Variants in STARD13 observed in about 807,000 individuals in gnomAD.
STARD13 encodes the protein stAR-related lipid transfer protein 13.
STARD13 carries 62 observed loss-of-function variants against 106.4 expected under a neutral mutation model. The ratio of observed to expected loss-of-function variants is 0.58; its 90% CI spans 0.48 to 0.72. The LOEUF is 0.72. Among genes scored for constraint, STARD13 ranks in the 30% least tolerant of loss-of-function variants. The probability of loss-of-function intolerance (pLI) is 0.00; values close to 1 mark genes in which losing one functional copy is unlikely to be tolerated. For missense variants in STARD13, 1,387 were observed against 1,424.0 expected (o/e 0.97, Z 0.42); for synonymous variants, 565 against 553.0 (o/e 1.02, Z -0.31).
the STARD13 span, among the ~76,000 whole-genome samples, chr13:33,535,686 A>G: frequency 6.6e-6 from 1 of 152,224 alleles, no homozygotes; most frequent in Admixed American, 6.5e-5. Flanking sequence ...TGAACATAAA[A>G]AACTTACATT....
chr13:33,106,241 G>C (rs748683492), intron 13 of STARD13, among the ~76,000 whole-genome samples: 1 of 152,154 alleles, frequency 6.6e-6, no homozygotes, highest in Non-Finnish European at 1.5e-5. Flanking sequence ...CCAACATGGC[G>C]AGGCCCTGTC....
chr13:33,469,046 A>T, the STARD13 span, among the ~76,000 whole-genome samples: 2 of 152,326 alleles, frequency 1.3e-5, no homozygotes, highest in Admixed American at 1.3e-4. Flanking sequence ...GTTATTGTAT[A>T]TTTGGGGGAC....
intron 3 of STARD13, among the ~76,000 whole-genome samples, chr13:33,144,070 G>C (rs1880206729): frequency 6.6e-6 from 1 of 152,068 alleles, no homozygotes; most frequent in South Asian, 2.1e-4. Context: ...TTTTTTGTTA[G>C]AATTCAGACT....
the STARD13 span, among the ~76,000 whole-genome samples, chr13:33,577,468 G>A: frequency 5.9e-5 from 9 of 152,060 alleles, no homozygotes; most frequent in African/African-American, 2.2e-4. Context: ...AAGATTAACA[G>A]AATTATTAAT....
chr13:33,167,470 A>T, intron 2 of STARD13, 81 bp downstream of exon 2: 1 of 1,432,206 alleles, frequency 7.0e-7, no homozygotes, highest in East Asian at 2.3e-5. Flanking sequence ...AAAAATCTGG[A>T]AGTCAAAACA....
At chr13:33,142,467 C>A in intron 3 of STARD13, 94 bp from the exon 4 acceptor site, 2 of 1,136,116 alleles carry the variant, frequency 1.8e-6, no homozygotes, top group Non-Finnish European at 2.6e-6. Context: ...AAAGTTGAAA[C>A]TGCAGGAACA....
chr13:33,322,191 G>T (rs181680528), intron 1 of STARD13, among the ~76,000 whole-genome samples: 4 of 152,056 alleles, frequency 2.6e-5, no homozygotes, highest in Admixed American at 1.3e-4. Context: ...ACTCACCCTC[G>T]TATCTAATAC....
intron 1 of STARD13, among the ~76,000 whole-genome samples, chr13:33,215,245 T>C (rs756158861): frequency 4.6e-5 from 7 of 152,090 alleles, no homozygotes; most frequent in Admixed American, 6.5e-5. Flanking sequence ...GACATGTTTC[T>C]GCCTTGTTGG....
intron 1 of STARD13, among the ~76,000 whole-genome samples, chr13:33,256,436 G>T (rs1890370000): frequency 6.6e-6 from 1 of 152,140 alleles, no homozygotes; most frequent in Non-Finnish European, 1.5e-5. Context: ...GTTTTCACTT[G>T]TTCTATTATT....
chr13:33,154,848 T>C (rs1881753337), intron 3 of STARD13, among the ~76,000 whole-genome samples: 1 of 152,176 alleles, frequency 6.6e-6, no homozygotes, highest in African/African-American at 2.4e-5. Context: ...GGTCAAGAAC[T>C]GAAGGCTGAG....
At chr13:33,117,044 T>C (rs1340959514) in intron 8 of STARD13, among the ~76,000 whole-genome samples, 1 of 152,198 alleles carries the variant, frequency 6.6e-6, no homozygotes, top group Non-Finnish European at 1.5e-5. Flanking sequence ...TGAATTGGGA[T>C]CTGGACCATC....
the STARD13 span, among the ~76,000 whole-genome samples, chr13:33,621,948 G>A: frequency 7.9e-5 from 12 of 151,276 alleles, no homozygotes; most frequent in East Asian, 8.1e-4. Flanking sequence ...GGGATTACAG[G>A]TGCCCACCAC....
chr13:33,508,128 C>T, the STARD13 span, among the ~76,000 whole-genome samples: 1 of 152,174 alleles, frequency 6.6e-6, no homozygotes, highest in Non-Finnish European at 1.5e-5. Flanking sequence ...GATTTAGCAT[C>T]TTCTTCAGGA....
the STARD13 span, among the ~76,000 whole-genome samples, chr13:33,657,194 C>T: frequency 7.8e-4 from 118 of 152,180 alleles, no homozygotes; most frequent in African/African-American, 2.7e-3. Flanking sequence ...GGTGTGAACC[C>T]GGGAGGCAGA....
At chr13:33,174,865 C>T (rs1026213123) in intron 1 of STARD13, among the ~76,000 whole-genome samples, 1 of 152,178 alleles carries the variant, frequency 6.6e-6, no homozygotes, top group African/African-American at 2.4e-5. Flanking sequence ...TTCTGCTTCT[C>T]TGCCTAGAGT....
chr13:33,112,480 C>CTTTATCATCTACCATCTA (rs1383255271), intron 9 of STARD13, among the ~76,000 whole-genome samples: 2 of 152,194 alleles, frequency 1.3e-5, no homozygotes, highest in Non-Finnish European at 2.9e-5. Context: ...ATTTATCTCT[C>CTTTATCATCTACCATCTA]TTTATCATCT....
intron 7 of STARD13, among the ~76,000 whole-genome samples, chr13:33,123,123 G>A (rs1876623599): frequency 6.7e-6 from 1 of 148,152 alleles, no homozygotes; most frequent in Admixed American, 6.8e-5. Flanking sequence ...CCAGAGCACT[G>A]CTCACTTTAT....
the STARD13 span, among the ~76,000 whole-genome samples, chr13:33,441,782 A>G: frequency 6.6e-6 from 1 of 152,198 alleles, no homozygotes; most frequent in East Asian, 1.9e-4. Flanking sequence ...GTTTCTCCCT[A>G]TATTCTACGC....
chr13:33,436,794 T>C, the STARD13 span, among the ~76,000 whole-genome samples: 2 of 152,208 alleles, frequency 1.3e-5, no homozygotes, highest in Non-Finnish European at 2.9e-5. Flanking sequence ...TGTGCTTTTC[T>C]GCTGGAATCT....
Sources: gnomAD v4.1 joint callset for allele counts (sites outside exome capture counted in the v4.1 genomes callset) on GRCh38, gnomAD v4.1.1 for gene constraint, MANE v1.5 for transcripts, NCBI Gene and HGNC (gene_info 2026-07-23, HGNC 2026-07-21) for gene names.